The following INSC variants were observed in gnomAD, a reference collection of about 807,000 sequenced individuals.
INSC encodes the protein protein inscuteable homolog.
A neutral mutation model predicts 58.6 loss-of-function variants in INSC; 67 were observed. The ratio of observed to expected loss-of-function variants is 1.14; its 90% CI spans 0.94 to 1.40. The LOEUF (loss-of-function observed/expected upper bound fraction) is 1.40, where lower values mean the gene tolerates loss of function less well. Ranked by LOEUF, INSC falls within the 40% of genes most tolerant of loss-of-function variation. The pLI is 0.00. For missense variants in INSC, 714 were observed against 692.0 expected, an observed-to-expected ratio of 1.03 and a Z score of -0.36; for synonymous variants, 262 against 276.1, an observed-to-expected ratio of 0.95 and a Z score of 0.51.
downstream of INSC, among the ~76,000 whole-genome samples, chr11:15,250,051 G>C (rs532771349): frequency 6.6e-6 from 1 of 152,220 alleles, no homozygotes. Flanking sequence ...ACAGGATTAA[G>C]GCTGGGACTG....
chr11:15,246,051 C>A lies in INSC; in HGVS notation c.*11C>A, dbSNP rs1054952. 462,118 of 1,613,048 alleles carry A rather than the reference C, an allele frequency of 0.29. 67,277 individuals are homozygous for A. Among genetic ancestry groups the A allele is most frequent in the African/African-American group, 0.3 (22,483 of 74,898 alleles). On this transcript the variant is annotated 3_prime_UTR_variant, in exon 13 of 13. Transcript: ENST00000379556. ...GAGAGTTTTGTGTAGTGAGTGTGGGCGAAGAAATACATTTGGCTGTTCTCA... is the reference window on the plus strand; with the variant it reads ...GAGAGTTTTGTGTAGTGAGTGTGGGAGAAGAAATACATTTGGCTGTTCTCA...
At chr11:15,123,770 A>T (rs1335559649) in intron 1 of INSC, among the ~76,000 whole-genome samples, 1 of 152,168 alleles carries the variant, frequency 6.6e-6, no homozygotes, top group Non-Finnish European at 1.5e-5. Flanking sequence ...CATACAGGAG[A>T]TAGAAGGGGT....
chr11:15,153,102 G>GT (rs1241337565), intron 2 of INSC, among the ~76,000 whole-genome samples: 1 of 152,124 alleles, frequency 6.6e-6, no homozygotes, highest in East Asian at 1.9e-4. Context: ...GTATGGTGCC[G>GT]TGTACTTGAG....
chr11:15,180,696 G>GC (rs1440380310), intron 5 of INSC, among the ~76,000 whole-genome samples: 3 of 115,692 alleles, frequency 2.6e-5, no homozygotes, highest in Admixed American at 1.8e-4. Context: ...GGGGGGGGCG[G>GC]GGGGGGGTGG....
rs764663517 is a variant in INSC at position 15,176,096 on chromosome 11, C to A, written c.402+10C>A. ...GAAGGAAATGGGCGAGGTCAGCTGC[C>A]CTGGGATAGGAGTGGGCGGGAACTG... On this transcript the variant is annotated intron_variant, in intron 3 of 12. Coordinates refer to ENST00000379556, the MANE Select transcript of INSC (RefSeq NM_001042536.3). The A allele has an allele frequency of 4.7e-6, 7 of 1,500,904 alleles. No homozygotes were observed. The South Asian group carries it at 9.1e-5, about 20-fold the overall frequency. The allele number at this position is 1,500,904 out of a possible 1,614,324, so 93.0% of individuals were successfully genotyped here.
At chr11:15,172,590 GT>G (rs140092710) in intron 2 of INSC, among the ~76,000 whole-genome samples, 3 of 152,198 alleles carry the variant, frequency 2.0e-5, no homozygotes, top group Non-Finnish European at 2.9e-5. Context: ...TCTGGCTGTA[GT>G]TTTTTAGAGG....
chr11:15,250,427 A>T (rs1464780510), downstream of INSC, among the ~76,000 whole-genome samples: 2 of 152,228 alleles, frequency 1.3e-5, no homozygotes, highest in Non-Finnish European at 2.9e-5. Context: ...TGTCATCATC[A>T]TAACTGTCAT....
chr11:15,175,758 T>C lies in INSC; in HGVS notation c.74T>C (p.Val25Ala), dbSNP rs1411871958. The change falls in exon 3 of 13, where the codon GTG (valine) becomes GCG (alanine). Residue 25 changes from valine to alanine, a missense_variant. Val to Ala is a moderately conservative substitution (Grantham distance 64). Coordinates refer to ENST00000379556, the MANE Select transcript of INSC (RefSeq NM_001042536.3). ...LPGQRLHLMQ[V>A]DSVQRWMEDL... ...GGTTGCAGGCTACACCTGATGCAGG[T>C]GGACTCAGTCCAGCGCTGGATGGAA... 6.4e-7 allele frequency: 1 copy of C among 1,566,180 alleles called. No individual in the cohort carries two copies. Among genetic ancestry groups the C allele is most frequent in the South Asian group, 1.2e-5 (1 of 84,940 alleles).
At chr11:15,231,499 T>C (rs1851924758) in intron 9 of INSC, among the ~76,000 whole-genome samples, 1 of 152,246 alleles carries the variant, frequency 6.6e-6, no homozygotes, top group Non-Finnish European at 1.5e-5. Context: ...ATGTGGCCTG[T>C]AGGTCATGGG....
intron 5 of INSC, among the ~76,000 whole-genome samples, chr11:15,187,584 TC>T: frequency 6.6e-6 from 1 of 152,358 alleles, no homozygotes; most frequent in Admixed American, 6.5e-5. Context: ...TTGCAGTTAC[TC>T]GTTTTCAGAT....
intron 7 of INSC, among the ~76,000 whole-genome samples, chr11:15,209,891 T>C (rs1850953005): frequency 6.6e-6 from 1 of 151,418 alleles, no homozygotes; most frequent in African/African-American, 2.4e-5. Flanking sequence ...GGGGTGGGAG[T>C]TGGGGGAGTA....
At chr11:15,113,143 T>TTCTTTCTCTCTCTCTCTC, upstream of INSC, among the ~76,000 whole-genome samples, 1 of 98,638 alleles carries the variant, frequency 1.0e-5, no homozygotes, top group Non-Finnish European at 2.3e-5. Context: ...CTTTCTTTCT[T>TTCTTTCTCTCTCTCTCTC]TCTGTCTCTC....
At chr11:15,150,563 G>T (rs1163305745) in intron 2 of INSC, among the ~76,000 whole-genome samples, 4 of 152,200 alleles carry the variant, frequency 2.6e-5, no homozygotes, top group African/African-American at 4.8e-5. Context: ...AATCATATGG[G>T]TGAGGCCATT....
chr11:15,241,171 A>G (rs1053500677), intron 12 of INSC, among the ~76,000 whole-genome samples: 6 of 152,306 alleles, frequency 3.9e-5, no homozygotes, highest in African/African-American at 1.4e-4. Context: ...ATTCTTCCCT[A>G]CTAGGTCTCT....
intron 5 of INSC, among the ~76,000 whole-genome samples, chr11:15,187,844 A>T (rs1035148362): frequency 1.3e-5 from 2 of 151,920 alleles, no homozygotes; most frequent in Non-Finnish European, 2.9e-5. Context: ...TATTTTTGAA[A>T]CGTCTCCAAT....
chr11:15,183,351 C>CA (rs66894801), intron 5 of INSC, among the ~76,000 whole-genome samples: 2,195 of 80,498 alleles, frequency 0.027, 69 homozygotes, highest in African/African-American at 0.084. Context: ...AACTCCATCT[C>CA]AAAAAAAAAA....
intron 6 of INSC, among the ~76,000 whole-genome samples, chr11:15,195,603 G>A (rs1364014948): frequency 1.3e-5 from 2 of 152,200 alleles, no homozygotes; most frequent in Non-Finnish European, 2.9e-5. Flanking sequence ...AAGCAGAGAG[G>A]AGACATGCAT....
At chr11:15,113,109 T>C (rs983902506), upstream of INSC, among the ~76,000 whole-genome samples, 1,123 of 74,628 alleles carry the variant, frequency 0.015, 6 homozygotes, top group Middle Eastern at 0.035. Context: ...TTTCTTTCTT[T>C]TCTCTCTCTC....
chr11:15,187,682 A>G (rs1850020418), intron 5 of INSC, among the ~76,000 whole-genome samples: 1 of 152,042 alleles, frequency 6.6e-6, no homozygotes, highest in Non-Finnish European at 1.5e-5. Flanking sequence ...CCCCCTTTTA[A>G]TCCCTTTTCT....
Sources: allele counts gnomAD v4.1 joint callset (sites outside exome capture counted in the v4.1 genomes callset), GRCh38; gene constraint gnomAD v4.1.1; transcripts MANE v1.5; gene names NCBI Gene and HGNC (gene_info 2026-07-23, HGNC 2026-07-21).